Variants in THRB observed in about 807,000 individuals in gnomAD.
THRB encodes the protein nuclear receptor subfamily 1 group A member 2.
A neutral mutation model predicts 47.8 loss-of-function variants in THRB; 12 were observed. The ratio of observed to expected loss-of-function variants is 0.25; its 90% CI spans 0.16 to 0.41. The LOEUF (loss-of-function observed/expected upper bound fraction) is 0.41, where lower values mean the gene tolerates loss of function less well. THRB is among the 10% of genes least tolerant of loss of function. The pLI, the probability that THRB is intolerant of heterozygous loss-of-function variation, is 1.00. For synonymous variants in THRB, 218 were observed against 212.2 expected, an observed-to-expected ratio of 1.03 and a Z score of -0.24; for missense variants, 348 against 589.2, an observed-to-expected ratio of 0.59 and a Z score of 4.24.
chr3:24,149,355 G>T (rs1261885172), intron 6 of THRB, among the ~76,000 whole-genome samples: 1 of 152,100 alleles, frequency 6.6e-6, no homozygotes, highest in Non-Finnish European at 1.5e-5. Flanking sequence ...CTGAAGTTGG[G>T]GAGACCCTTG....
chr3:24,257,698 T>G (rs1398788540), intron 3 of THRB, among the ~76,000 whole-genome samples: 1 of 152,220 alleles, frequency 6.6e-6, no homozygotes, highest in Admixed American at 6.5e-5. Context: ...TAAAACTTTA[T>G]TTACAAAAAC....
chr3:24,414,879 G>A (rs2068616038), intron 1 of THRB, among the ~76,000 whole-genome samples: 1 of 151,810 alleles, frequency 6.6e-6, no homozygotes, highest in Admixed American at 6.6e-5. Context: ...TAAATAAAAT[G>A]TCTAAAATGA....
chr3:24,438,761 T>C (rs1225370045), intron 1 of THRB, among the ~76,000 whole-genome samples: 3 of 152,114 alleles, frequency 2.0e-5, no homozygotes, highest in Non-Finnish European at 1.5e-5. Flanking sequence ...CTTATCCAGT[T>C]ACTGGCCCTC....
In THRB at chr3:24,176,817, C is replaced by T. The variant is rs117400961; in HGVS notation, c.283+13257G>A. Among the ~76,000 whole-genome samples, 8 of 152,182 alleles carry T rather than the reference C, an allele frequency of 5.3e-5. No homozygotes were observed. The East Asian group carries it at 1.5e-3, about 29-fold the overall frequency. On this transcript the variant is annotated intron_variant, in intron 5 of 10. Transcript: ENST00000646209. ...AGGAATGGGGAGTAACTGTAAACGA[C>T]TCAAAGTTTCTTTTGGGATGATGGA... is the stretch of plus-strand genomic sequence containing the variant.
chr3:24,359,110 T>C (rs1226640314), intron 1 of THRB, among the ~76,000 whole-genome samples: 1 of 152,092 alleles, frequency 6.6e-6, no homozygotes, highest in Non-Finnish European at 1.5e-5. Context: ...CGTCTGATGA[T>C]TTTGTGGGTC....
chr3:24,139,384 TC>T (rs2035134667), intron 8 of THRB, among the ~76,000 whole-genome samples: 2 of 126,060 alleles, frequency 1.6e-5, no homozygotes, highest in African/African-American at 6.0e-5. Context: ...CTTTTTCTTT[TC>T]TTTCTTTTTT....
chr3:24,278,424 C>T (rs967715037), intron 3 of THRB, among the ~76,000 whole-genome samples: 1 of 152,102 alleles, frequency 6.6e-6, no homozygotes, highest in Non-Finnish European at 1.5e-5. Flanking sequence ...TCTGCAAATG[C>T]CTGGCCCAAA....
intron 3 of THRB, among the ~76,000 whole-genome samples, chr3:24,296,911 G>C (rs1248913532): frequency 6.6e-6 from 1 of 152,192 alleles, no homozygotes; most frequent in African/African-American, 2.4e-5. Flanking sequence ...TCTCAAATAG[G>C]TAAAATGATT....
intron 2 of THRB, among the ~76,000 whole-genome samples, chr3:24,315,764 C>T (rs1331652704): frequency 6.6e-6 from 1 of 152,120 alleles, no homozygotes. Context: ...TATACTTACA[C>T]CAGCCTGATA....
chr3:24,171,747 C>T (rs2040470532), intron 5 of THRB, among the ~76,000 whole-genome samples: 1 of 152,056 alleles, frequency 6.6e-6, no homozygotes, highest in Non-Finnish European at 1.5e-5. Flanking sequence ...AGCATTTCTG[C>T]CAAATAATAT....
intron 3 of THRB, among the ~76,000 whole-genome samples, chr3:24,233,532 A>AAGAGAAAGAAAGAAAAAGG (rs2048463449): frequency 8.4e-6 from 1 of 118,826 alleles, no homozygotes; most frequent in African/African-American, 3.1e-5. Context: ...GAAGGAAGGA[A>AAGAGAAAGAAAGAAAAAGG]AAGAAAGAAA....
rs1253034843 is a variant in THRB, at chr3:24,420,121, T to C, written c.-261+74531A>G. Among the ~76,000 whole-genome samples, 11 of 151,956 alleles carry C rather than the reference T, an allele frequency of 7.2e-5. 1 individual carries two copies. Among genetic ancestry groups the C allele is most frequent in the Admixed American group, 7.2e-4 (11 of 15,248 alleles). On this transcript the variant is annotated intron_variant, in intron 1 of 10. Coordinates refer to ENST00000646209, the MANE Select transcript of THRB (RefSeq NM_001354712.2). ...AAATGACATAAATTTATGCCTGGCA[T>C]GTCATAGTGCTTAGCAAATGTTAGC...
chr3:24,297,565 C>T (rs1331898492), intron 2 of THRB, among the ~76,000 whole-genome samples, 194 bp from the exon 3 acceptor site: 2 of 152,244 alleles, frequency 1.3e-5, no homozygotes, highest in Non-Finnish European at 2.9e-5. Context: ...ATAGTAAGCA[C>T]TTGCCTTACG....
intron 4 of THRB, among the ~76,000 whole-genome samples, chr3:24,190,566 A>G (rs1437275076): frequency 2.6e-5 from 4 of 152,148 alleles, no homozygotes; most frequent in African/African-American, 7.2e-5. Context: ...AAATGCCTAG[A>G]AAGACATTAG....
chr3:24,364,401 A>G (rs2064302514), intron 1 of THRB, among the ~76,000 whole-genome samples: 1 of 152,180 alleles, frequency 6.6e-6, no homozygotes, highest in Non-Finnish European at 1.5e-5. Flanking sequence ...TATGTCAGGC[A>G]CTTTATATTT....
chr3:24,343,372 A>T (rs150863624), intron 1 of THRB, among the ~76,000 whole-genome samples: 7 of 152,302 alleles, frequency 4.6e-5, no homozygotes, highest in African/African-American at 1.7e-4. Flanking sequence ...CAAAAACATA[A>T]CAGTGGCAAT....
chr3:24,126,609 G>A (rs1481035436), intron 10 of THRB, among the ~76,000 whole-genome samples: 1 of 145,636 alleles, frequency 6.9e-6, no homozygotes, highest in African/African-American at 2.6e-5. Flanking sequence ...AGTGAAGCAG[G>A]TAGTTACAGT....
chr3:24,200,316 A>G (rs2149715087), intron 4 of THRB, among the ~76,000 whole-genome samples: 1 of 152,334 alleles, frequency 6.6e-6, no homozygotes, highest in South Asian at 2.1e-4. Context: ...CAAACATGAA[A>G]TACCCCTTTT....
chr3:24,337,901 C>A (rs547901691), intron 1 of THRB, among the ~76,000 whole-genome samples: 1 of 152,274 alleles, frequency 6.6e-6, no homozygotes, highest in East Asian at 1.9e-4. Context: ...ATGGAGCTGT[C>A]TAGATTGTGC....
Sources: allele counts gnomAD v4.1 joint callset (sites outside exome capture counted in the v4.1 genomes callset), GRCh38; gene constraint gnomAD v4.1.1; transcripts MANE v1.5; gene names NCBI Gene and HGNC (gene_info 2026-07-23, HGNC 2026-07-21).